Variants in CDC73 observed in about 807,000 individuals in gnomAD.
CDC73 encodes parafibromin.
A neutral mutation model predicts 83.7 loss-of-function variants in CDC73; 21 were observed. The observed-to-expected ratio is 0.25, with a 90% CI of 0.18 to 0.36. CDC73 has a LOEUF of 0.36. Ranked by LOEUF, CDC73 falls within the 10% of genes least tolerant of loss-of-function variation. CDC73 has a pLI of 1.00. For missense variants in CDC73, 342 were observed against 653.3 expected, an observed-to-expected ratio of 0.52 and a Z score of 5.19; for synonymous variants, 224 against 212.9, an observed-to-expected ratio of 1.05 and a Z score of -0.45.
chr1:193,211,381 T>A (rs1242957554), intron 11 of CDC73, among the ~76,000 whole-genome samples: 1 of 152,240 alleles, frequency 6.6e-6, no homozygotes. Flanking sequence ...TCAGTATTTT[T>A]ATCGTAGATG....
chr1:193,130,065 C>T (rs374012833), intron 2 of CDC73, 109 bp from the exon 3 acceptor site: 80 of 666,890 alleles, frequency 1.2e-4, no homozygotes, highest in African/African-American at 7.1e-4. Context: ...ATTTAAAATA[C>T]GTTTTTTCAA....
intron 11 of CDC73, among the ~76,000 whole-genome samples, chr1:193,208,982 A>G (rs150208066): frequency 5.3e-5 from 8 of 152,266 alleles, no homozygotes; most frequent in African/African-American, 1.9e-4. Flanking sequence ...TTCTGCCAGT[A>G]TACACTCATT....
chr1:193,190,223 A>G (rs1387624672), intron 10 of CDC73, among the ~76,000 whole-genome samples: 1 of 152,218 alleles, frequency 6.6e-6, no homozygotes, highest in African/African-American at 2.4e-5. Context: ...ACTTGACACA[A>G]TTATTTAGAG....
chr1:193,176,910 G>A (rs549876877), intron 10 of CDC73, among the ~76,000 whole-genome samples: 12 of 152,112 alleles, frequency 7.9e-5, no homozygotes, highest in Admixed American at 4.6e-4. Context: ...GTTTGCATTT[G>A]TGCCTCAGGG....
In CDC73 at chr1:193,179,580, A is replaced by G. The variant is rs375277185; in HGVS notation, c.973-24215A>G. 1.2e-4 allele frequency: 18 copies of G among 152,748 alleles called. No individual in the cohort carries two copies. In the East Asian group the frequency reaches 2.3e-3, roughly 20 times the overall value. The allele number at this position is 152,748 out of a possible 1,614,324, so 9.5% of individuals were successfully genotyped here. ...GGAAACAAAACTTGTCTATTTTGAA[A>G]CATTTAATAACTATAAAAACTTGAG... On this transcript the variant is annotated intron_variant, in intron 10 of 16. Coordinates refer to ENST00000367435, the MANE Select transcript of CDC73 (RefSeq NM_024529.5).
chr1:193,217,690 C>T (rs1370862316), intron 13 of CDC73, among the ~76,000 whole-genome samples: 1 of 152,084 alleles, frequency 6.6e-6, no homozygotes, highest in Non-Finnish European at 1.5e-5. Context: ...TTTATAGGCC[C>T]TGGGTGGGGG....
Position 193,252,857 on chromosome 1 carries a change from T to C in CDC73, c.*2145T>C, listed in dbSNP as rs1445313334. ...ACATAGTAGGCATTCAGTAAATACT[T>C]ACATGCATGAATGAATAATGTATTT... On this transcript the variant is annotated 3_prime_UTR_variant, in exon 17 of 17. Transcript: ENST00000367435. The C allele has an allele frequency of 1.3e-5, 3 of 231,796 alleles. No individual in the cohort carries two copies. Among genetic ancestry groups the C allele is most frequent in the African/African-American group, 6.6e-5 (3 of 45,280 alleles). 14.4% of individuals were successfully genotyped at this position (231,796 alleles called of 1,614,324 possible).
chr1:193,141,271 C>CA (rs1343235311), intron 6 of CDC73: 16 of 152,216 alleles, frequency 1.1e-4, no homozygotes, highest in African/African-American at 3.9e-4. Context: ...TAGTCTCTTT[C>CA]AACTATTTTG....
At chr1:193,218,315 T>G (rs937228955) in intron 13 of CDC73, among the ~76,000 whole-genome samples, 1 of 152,236 alleles carries the variant, frequency 6.6e-6, no homozygotes, top group Non-Finnish European at 1.5e-5. Context: ...GAAGAATCAA[T>G]ATTGTTAAAG....
chr1:193,148,833 TG>T lies in CDC73; in HGVS notation c.828+872del, dbSNP rs148471707. 5.3e-3 allele frequency among the ~76,000 whole-genome samples: 808 copies of T among 151,666 alleles called. 4 individuals are homozygous for T. Among genetic ancestry groups the T allele is most frequent in the South Asian group, 0.011 (54 of 4,792 alleles). ...CTAATTTTTGTATTTTTAGTAGAGA[TG>T]GGGTTTCGTCCTGTTCAAGACCAGG... is the stretch of plus-strand genomic sequence containing the variant. On this transcript the variant is annotated intron_variant, in intron 8 of 16. Coordinates refer to ENST00000367435, the MANE Select transcript of CDC73 (RefSeq NM_024529.5).
chr1:193,182,156 A>C (rs866333518), intron 10 of CDC73, among the ~76,000 whole-genome samples: 1 of 152,202 alleles, frequency 6.6e-6, no homozygotes, highest in Admixed American at 6.5e-5. Flanking sequence ...AGACGGTGCA[A>C]GGTTGATTAT....
At chr1:193,170,453 A>G (rs1676501360) in intron 10 of CDC73, among the ~76,000 whole-genome samples, 1 of 152,054 alleles carries the variant, frequency 6.6e-6, no homozygotes, top group African/African-American at 2.4e-5. Flanking sequence ...CTTTGCCAGC[A>G]TCTTGTTTTT....
At chr1:193,167,780 T>C (rs1465342563) in intron 10 of CDC73, among the ~76,000 whole-genome samples, 1 of 152,178 alleles carries the variant, frequency 6.6e-6, no homozygotes, top group Non-Finnish European at 1.5e-5. Flanking sequence ...AGCACAGTTG[T>C]AGTGTCATTG....
chr1:193,130,221 TG>T lies in CDC73; in HGVS notation c.287del (p.Gly96AspfsTer13). On this transcript the variant is annotated frameshift_variant, in exon 3 of 17. Transcript: ENST00000367435. LOFTEE classifies it high-confidence loss of function. Reference protein sequence around the residue: ...VRRPDRKDLLGYLNGEASTSA... With the variant: ...VRRPDRKDLLXYLNGEASTSA... ...GAAGACCTGATCGAAAAGATCTACT[TG>T]GATATCTCAATGGTGAAGCGTGTGA... 1 of 1,604,348 alleles carries T rather than the reference TG, an allele frequency of 6.2e-7. No individual in the cohort carries two copies. The highest frequency in any genetic ancestry group is 8.5e-7 in the Non-Finnish European group (1 of 1,171,436).
At chr1:193,122,358 G>C (rs1210616139) in intron 1 of CDC73, 27 bp downstream of exon 1, 16 of 1,613,678 alleles carry the variant, frequency 9.9e-6, no homozygotes, top group Non-Finnish European at 1.4e-5. Flanking sequence ...TGTGGCCCAG[G>C]GGTGGCAGGG....
intron 10 of CDC73, among the ~76,000 whole-genome samples, chr1:193,163,605 G>T (rs1213856197): frequency 6.6e-6 from 1 of 152,116 alleles, no homozygotes; most frequent in African/African-American, 2.4e-5. Context: ...TAGGTTAACT[G>T]CAGTAGACAT....
chr1:193,174,422 A>G (rs1249826427), intron 10 of CDC73, among the ~76,000 whole-genome samples: 1 of 152,130 alleles, frequency 6.6e-6, no homozygotes, highest in Non-Finnish European at 1.5e-5. Flanking sequence ...CTATATCTCC[A>G]GTACTGAGAA....
chr1:193,191,119 G>A (rs529557047), intron 10 of CDC73, among the ~76,000 whole-genome samples: 171 of 152,286 alleles, frequency 1.1e-3, no homozygotes, highest in Non-Finnish European at 2.1e-3. Flanking sequence ...CAGTTTTAAC[G>A]TGCACTGAAT....
At position 193,234,341 on chromosome 1, in the gene CDC73, A is replaced by AAT. The variant is rs1359879878; in HGVS notation, c.1316+1202_1316+1203dup. On this transcript the variant is annotated intron_variant, in intron 14 of 16. Coordinates refer to ENST00000367435, the MANE Select transcript of CDC73 (RefSeq NM_024529.5). ...TATATATATTTAAAACACACACATA[A>AAT]ATATATATATATATATTTAAAATTA... Among the ~76,000 whole-genome samples, 437 of 136,642 alleles carry AAT rather than the reference A, an allele frequency of 3.2e-3. 4 individuals carry two copies. Among genetic ancestry groups the AAT allele is most frequent in the South Asian group, 8.5e-3 (38 of 4,484 alleles). The allele number at this position is 136,642 out of a possible 152,430, so 89.6% of individuals were successfully genotyped here.
Sources: allele counts gnomAD v4.1 joint callset (sites outside exome capture counted in the v4.1 genomes callset), GRCh38; gene constraint gnomAD v4.1.1; transcripts MANE v1.5; gene names NCBI Gene and HGNC (gene_info 2026-07-23, HGNC 2026-07-21).